WDFY4: variants seen among roughly 807,000 people sequenced by gnomAD.
WDFY4 encodes WD repeat- and FYVE domain-containing protein 4.
In WDFY4, 169 loss-of-function variants were observed where a neutral mutation model predicts 351.9. The observed-to-expected ratio is 0.48, with a 90% CI of 0.42 to 0.55. The LOEUF is 0.55. Ranked by LOEUF, WDFY4 falls within the 20% of genes least tolerant of loss-of-function variation. The probability of loss-of-function intolerance (pLI) is 0.00; values close to 1 mark genes in which losing one functional copy is unlikely to be tolerated. For missense variants in WDFY4, 3,803 were observed against 3,935.6 expected (o/e 0.97, Z 0.90); for synonymous variants, 1,622 against 1,574.6 (o/e 1.03, Z -0.71).
rs373790791 is a variant in WDFY4, at chr10:48,821,250, G to A, written c.5824+74G>A. 1.3e-4 allele frequency: 162 copies of A among 1,210,380 alleles called. 2 individuals are homozygous for A. In the South Asian group the frequency reaches 1.7e-3, roughly 13 times the overall value. 75.0% of individuals were successfully genotyped at this position (1,210,380 alleles called of 1,614,324 possible). Reference sequence around the variant, plus strand: ...CAGTGGAGAGGAAACCAGCATGCTGGCCAGGAACTGACCCTAGCTGTGGGA... The same window carrying A: ...CAGTGGAGAGGAAACCAGCATGCTGACCAGGAACTGACCCTAGCTGTGGGA... On this transcript the variant is annotated intron_variant, in intron 34 of 61. Transcript: ENST00000325239.
chr10:48,864,146 C>T (rs1439605749), intron 39 of WDFY4, among the ~76,000 whole-genome samples: 2 of 152,152 alleles, frequency 1.3e-5, no homozygotes, highest in African/African-American at 2.4e-5. Context: ...AAATCTAAAT[C>T]GGACAAATGC....
chr10:48,834,707 C>T (rs536508103), intron 39 of WDFY4, among the ~76,000 whole-genome samples: 9 of 152,224 alleles, frequency 5.9e-5, no homozygotes, highest in Non-Finnish European at 1.0e-4. Flanking sequence ...GACAGCCTGG[C>T]TGGGAGCTAG....
At chr10:48,744,481 T>C (rs1383049050) in intron 12 of WDFY4, among the ~76,000 whole-genome samples, 1 of 152,212 alleles carries the variant, frequency 6.6e-6, no homozygotes, top group African/African-American at 2.4e-5. Context: ...ATTCATAATC[T>C]GTGTATTGCT....
At chr10:48,845,714 T>C (rs2068752214) in intron 39 of WDFY4, among the ~76,000 whole-genome samples, 1 of 152,198 alleles carries the variant, frequency 6.6e-6, no homozygotes, top group Admixed American at 6.5e-5. Context: ...CCCCAGAGGC[T>C]TTATGGTACC....
Position 48,900,206 on chromosome 10 carries a change from G to C in WDFY4, c.7438-15G>C. ...ACAAAATATCAGGAGCATTAAAAGG[G>C]GCTTCTCTTCACAGGACATCGCCCT... On this transcript the variant is annotated splice_polypyrimidine_tract_variant and intron_variant, in intron 45 of 61. Coordinates refer to ENST00000325239, the MANE Select transcript of WDFY4 (RefSeq NM_001394531.1). 6.5e-7 allele frequency: 1 copy of C among 1,548,388 alleles called. No homozygotes were observed. Among genetic ancestry groups the C allele is most frequent in the East Asian group, 2.5e-5 (1 of 40,772 alleles).
intron 32 of WDFY4, among the ~76,000 whole-genome samples, chr10:48,819,067 C>T (rs1589683902): frequency 6.6e-6 from 1 of 152,246 alleles, no homozygotes; most frequent in Admixed American, 6.5e-5. Context: ...GCCGAGTGCC[C>T]CCGCCAGCAG....
At chr10:48,866,830 C>T (rs2069561783) in intron 39 of WDFY4, among the ~76,000 whole-genome samples, 1 of 152,202 alleles carries the variant, frequency 6.6e-6, no homozygotes, top group East Asian at 1.9e-4. Context: ...ATTTGACCAA[C>T]AAATTCTGTA....
At chr10:48,914,884 G>C (rs369426976) in intron 47 of WDFY4, among the ~76,000 whole-genome samples, 1 of 152,128 alleles carries the variant, frequency 6.6e-6, no homozygotes, top group East Asian at 1.9e-4. Context: ...TGGGGGGTGC[G>C]GGCAAAGCTC....
intron 11 of WDFY4, among the ~76,000 whole-genome samples, chr10:48,737,474 T>A (rs942378296): frequency 6.6e-6 from 1 of 152,220 alleles, no homozygotes; most frequent in Non-Finnish European, 1.5e-5. Context: ...GTTTGTTTCA[T>A]CATACTTACT....
chr10:48,736,149 T>C (rs895669820), intron 11 of WDFY4, 79 bp downstream of exon 11: 2 of 1,504,368 alleles, frequency 1.3e-6, no homozygotes, highest in African/African-American at 2.8e-5. Context: ...GGCATTTGTA[T>C]TCATGTAATT....
At chr10:48,808,077 T>A in intron 28 of WDFY4, 119 bp downstream of exon 28, 1 of 794,504 alleles carries the variant, frequency 1.3e-6, no homozygotes. Context: ...ATGTATTTCC[T>A]GCACTAGTCA....
chr10:48,781,835 A>AT (rs1394211175), intron 19 of WDFY4, among the ~76,000 whole-genome samples: 4 of 152,226 alleles, frequency 2.6e-5, no homozygotes, highest in Non-Finnish European at 5.9e-5. Context: ...GGTGCTAAGA[A>AT]TTGTTTTAGG....
intron 39 of WDFY4, among the ~76,000 whole-genome samples, chr10:48,848,871 T>A (rs900625673): frequency 6.6e-6 from 1 of 152,216 alleles, no homozygotes; most frequent in African/African-American, 2.4e-5. Flanking sequence ...GCTCCTCTGT[T>A]CCTCACTGCT....
chr10:48,716,401 C>T (rs2063911514), intron 2 of WDFY4, among the ~76,000 whole-genome samples: 1 of 152,090 alleles, frequency 6.6e-6, no homozygotes, highest in Admixed American at 6.5e-5. Context: ...CCATGAGGCA[C>T]GATGGTGCAG....
intron 27 of WDFY4, among the ~76,000 whole-genome samples, chr10:48,806,581 G>A (rs1319881033): frequency 6.6e-6 from 1 of 152,194 alleles, no homozygotes; most frequent in African/African-American, 2.4e-5. Flanking sequence ...CTTTCTCTGT[G>A]TTTCCAAAGC....
intron 12 of WDFY4, among the ~76,000 whole-genome samples, chr10:48,760,115 G>T (rs1321567506): frequency 6.6e-6 from 1 of 152,220 alleles, no homozygotes; most frequent in Non-Finnish European, 1.5e-5. Context: ...CAGGCACTGT[G>T]CCTTGGAGCA....
chr10:48,813,482 C>T (rs1022337722), intron 30 of WDFY4, among the ~76,000 whole-genome samples: 1 of 152,130 alleles, frequency 6.6e-6, no homozygotes, highest in African/African-American at 2.4e-5. Context: ...ATGTAATTCT[C>T]ATTTCACAGA....
chr10:48,693,656 A>G (rs2063255399), intron 1 of WDFY4, among the ~76,000 whole-genome samples: 1 of 152,218 alleles, frequency 6.6e-6, no homozygotes, highest in Non-Finnish European at 1.5e-5. Context: ...AGGAGCATCT[A>G]TTCTAAACGC....
chr10:48,960,784 G>A (rs1286890612), intron 53 of WDFY4, among the ~76,000 whole-genome samples: 1 of 152,206 alleles, frequency 6.6e-6, no homozygotes, highest in Non-Finnish European at 1.5e-5. Context: ...ACATGAATGA[G>A]TTTTAATGCA....
Sources: allele counts gnomAD v4.1 joint callset (sites outside exome capture counted in the v4.1 genomes callset), GRCh38; gene constraint gnomAD v4.1.1; transcripts MANE v1.5; gene names NCBI Gene and HGNC (gene_info 2026-07-23, HGNC 2026-07-21).